Variants in COL5A2 observed in about 807,000 individuals in gnomAD.
COL5A2 encodes the protein collagen type V alpha 2 chain.
In COL5A2, 23 loss-of-function variants were observed where a neutral mutation model predicts 208.2. The ratio of observed to expected loss-of-function variants is 0.11; its 90% CI spans 0.08 to 0.16. The LOEUF is 0.16. Among genes scored for constraint, COL5A2 ranks in the 10% least tolerant of loss-of-function variants. The pLI is 1.00. For missense variants in COL5A2, 1,590 were observed against 1,956.4 expected (o/e 0.81, Z 3.53); for synonymous variants, 625 against 628.5 (o/e 0.99, Z 0.08).
chr2:189,397,234 A>T, the COL5A2 span, among the ~76,000 whole-genome samples: 1 of 152,078 alleles, frequency 6.6e-6, no homozygotes, highest in Non-Finnish European at 1.5e-5. Context: ...GTAAACAGTA[A>T]CAGTTCTCTT....
At chr2:189,098,791 A>G (rs1686974424) in intron 4 of COL5A2, 32 bp from the exon 5 acceptor site, 1 of 1,587,368 alleles carries the variant, frequency 6.3e-7, no homozygotes, top group Admixed American at 1.7e-5. Context: ...TTGTAAAGGT[A>G]AAGTTTCTGC....
chr2:189,430,040 A>G, the COL5A2 span, among the ~76,000 whole-genome samples: 1 of 152,164 alleles, frequency 6.6e-6, no homozygotes, highest in African/African-American at 2.4e-5. Flanking sequence ...ACTGGCATTG[A>G]CAGATTTGCT....
At chr2:189,215,855 T>A (rs1213046762) in intron 1 of COL5A2, among the ~76,000 whole-genome samples, 1 of 152,140 alleles carries the variant, frequency 6.6e-6, no homozygotes, top group Non-Finnish European at 1.5e-5. Flanking sequence ...CATAGAACTG[T>A]AAGGGAATTC....
chr2:189,257,197 C>A, the COL5A2 span, among the ~76,000 whole-genome samples: 5 of 152,134 alleles, frequency 3.3e-5, no homozygotes, highest in Non-Finnish European at 5.9e-5. Flanking sequence ...ATATGAGAGC[C>A]AATTTACCCC....
chr2:189,091,758 T>C (rs1276351047), intron 7 of COL5A2, among the ~76,000 whole-genome samples: 1 of 152,212 alleles, frequency 6.6e-6, no homozygotes, highest in African/African-American at 2.4e-5. Context: ...GGTTTGCCTG[T>C]ACTTATAAAT....
the COL5A2 span, among the ~76,000 whole-genome samples, chr2:189,254,110 G>T: frequency 6.6e-6 from 1 of 152,220 alleles, no homozygotes; most frequent in Non-Finnish European, 1.5e-5. Context: ...CAGTCTGAAA[G>T]ATGCTCATTA....
At chr2:189,345,352 T>C in the COL5A2 span, among the ~76,000 whole-genome samples, 3 of 152,118 alleles carry the variant, frequency 2.0e-5, no homozygotes, top group South Asian at 4.1e-4. Flanking sequence ...CTGGAGTTCA[T>C]GGAAGTGGTC....
intron 51 of COL5A2, 126 bp from the exon 52 acceptor site, chr2:189,036,929 TGCCCCTTAC>T: frequency 1.3e-6 from 1 of 793,168 alleles, no homozygotes; most frequent in Admixed American, 2.3e-5. Flanking sequence ...TAAGTGAGAG[TGCCCCTTAC>T]GAAAAAAGTA....
At chr2:189,116,137 G>A (rs1687383850) in intron 1 of COL5A2, among the ~76,000 whole-genome samples, 1 of 152,196 alleles carries the variant, frequency 6.6e-6, no homozygotes, top group African/African-American at 2.4e-5. Flanking sequence ...TTCTCTGACT[G>A]TAAAGGTCCT....
chr2:189,237,169 T>G, the COL5A2 span, among the ~76,000 whole-genome samples: 4 of 151,812 alleles, frequency 2.6e-5, no homozygotes, highest in Admixed American at 6.6e-5. Flanking sequence ...AGAAAGATTT[T>G]TTTAAATGTA....
At chr2:189,195,459 A>G (rs550133441) in intron 1 of COL5A2, among the ~76,000 whole-genome samples, 1 of 152,302 alleles carries the variant, frequency 6.6e-6, no homozygotes, top group African/African-American at 2.4e-5. Context: ...ATTAGAAAAA[A>G]ATTACTTTAA....
chr2:189,223,566 G>A (rs547328306), intron 1 of COL5A2, among the ~76,000 whole-genome samples: 8 of 152,220 alleles, frequency 5.3e-5, no homozygotes, highest in East Asian at 1.9e-4. Flanking sequence ...GCCAGCAACC[G>A]CCCACGTGTG....
chr2:189,416,275 G>A, the COL5A2 span, among the ~76,000 whole-genome samples: 50 of 152,078 alleles, frequency 3.3e-4, no homozygotes, highest in Non-Finnish European at 6.8e-4. Context: ...TGTTTATTGC[G>A]GCACTATTCA....
At chr2:189,095,680 G>A (rs1686894870) in intron 6 of COL5A2, among the ~76,000 whole-genome samples, 2 of 152,020 alleles carry the variant, frequency 1.3e-5, no homozygotes, top group Admixed American at 1.3e-4. Flanking sequence ...TGGAAGTCTG[G>A]TCCTACAACA....
At chr2:189,435,891 C>T in the COL5A2 span, among the ~76,000 whole-genome samples, 2 of 152,100 alleles carry the variant, frequency 1.3e-5, no homozygotes, top group South Asian at 2.1e-4. Flanking sequence ...ATGTTTATTG[C>T]GGCACTATTC....
chr2:189,135,635 A>G (rs923370427), intron 1 of COL5A2, among the ~76,000 whole-genome samples: 2 of 152,190 alleles, frequency 1.3e-5, no homozygotes, highest in Admixed American at 6.5e-5. Flanking sequence ...TTATATCTAC[A>G]CATTTAGGAA....
At chr2:189,188,873 G>A (rs546176256) in intron 1 of COL5A2, among the ~76,000 whole-genome samples, 16 of 152,268 alleles carry the variant, frequency 1.1e-4, no homozygotes, top group African/African-American at 3.4e-4. Flanking sequence ...CACAGGGCAG[G>A]GAAGTCAAAG....
chr2:189,112,074 G>A (rs1286835046), intron 1 of COL5A2, among the ~76,000 whole-genome samples: 1 of 151,968 alleles, frequency 6.6e-6, no homozygotes, highest in South Asian at 2.1e-4. Context: ...TGTTTGCCAG[G>A]CTGGTCTCCT....
At chr2:189,327,076 A>C in the COL5A2 span, among the ~76,000 whole-genome samples, 2 of 98,506 alleles carry the variant, frequency 2.0e-5, no homozygotes, top group Non-Finnish European at 5.1e-5. Context: ...GTCTCGAAAT[A>C]ATAATAATAA....
Sources: allele counts gnomAD v4.1 joint callset (sites outside exome capture counted in the v4.1 genomes callset), GRCh38; gene constraint gnomAD v4.1.1; transcripts MANE v1.5; gene names NCBI Gene and HGNC (gene_info 2026-07-23, HGNC 2026-07-21).